DPP10: variants seen among roughly 807,000 people sequenced by gnomAD.
DPP10 encodes the protein dipeptidyl peptidase like 10.
In DPP10, 33 loss-of-function variants were observed where a neutral mutation model predicts 120.9. The observed-to-expected ratio is 0.27, with a 90% confidence interval of 0.21 to 0.37. The LOEUF (loss-of-function observed/expected upper bound fraction) is 0.37. Among genes scored for constraint, DPP10 ranks in the 10% least tolerant of loss-of-function variants. DPP10 has a pLI of 1.00. For missense variants in DPP10, 816 were observed against 942.8 expected (o/e 0.87, Z 1.76); for synonymous variants, 337 against 326.1 (o/e 1.03, Z -0.36).
At chr2:115,076,318 T>C (rs754362467) in intron 1 of DPP10, among the ~76,000 whole-genome samples, 9 of 150,008 alleles carry the variant, frequency 6.0e-5, no homozygotes, top group Non-Finnish European at 1.0e-4. Context: ...TTCTCCCATA[T>C]CATTTCCTTC....
chr2:115,213,349 T>A lies in DPP10; in HGVS notation c.61-95890T>A, dbSNP rs532675307. On this transcript the variant is annotated intron_variant, in intron 1 of 25. Coordinates refer to ENST00000410059, the MANE Select transcript of DPP10 (RefSeq NM_020868.6). The stretch of plus-strand genomic sequence containing the variant: ...ATGTATTAGAGAACCATTTTGCAAA[T>A]CTCTTGCTTGTAAGAAATTCCCCAT... Among the ~76,000 whole-genome samples, 29 of 152,274 alleles carry A rather than the reference T, an allele frequency of 1.9e-4. No individual in the cohort carries two copies. In the South Asian group the frequency reaches 6.0e-3, roughly 32 times the overall value.
At chr2:114,837,043 C>T (rs1274181949) in intron 1 of DPP10, among the ~76,000 whole-genome samples, 3 of 152,010 alleles carry the variant, frequency 2.0e-5, no homozygotes, top group Admixed American at 6.6e-5. Context: ...CACACATGCT[C>T]TAAAATTTGT....
intron 1 of DPP10, among the ~76,000 whole-genome samples, chr2:114,527,826 T>C (rs1444179466): frequency 6.6e-6 from 1 of 152,170 alleles, no homozygotes; most frequent in Non-Finnish European, 1.5e-5. Flanking sequence ...AGCATGTTAC[T>C]GTACTGAATA....
At chr2:114,895,948 A>G (rs1692927264) in intron 1 of DPP10, among the ~76,000 whole-genome samples, 1 of 152,224 alleles carries the variant, frequency 6.6e-6, no homozygotes, top group African/African-American at 2.4e-5. Context: ...AGCTTTCTAC[A>G]TATGGCTAGT....
chr2:114,706,121 C>A (rs1244001743), intron 1 of DPP10, among the ~76,000 whole-genome samples: 6 of 152,172 alleles, frequency 3.9e-5, no homozygotes, highest in African/African-American at 1.2e-4. Context: ...AATTACAGTG[C>A]AAGTTCTAAG....
chr2:114,914,514 A>G (rs1230839835), intron 1 of DPP10, among the ~76,000 whole-genome samples: 2 of 152,354 alleles, frequency 1.3e-5, no homozygotes, highest in East Asian at 3.9e-4. Context: ...ATGCTTACGG[A>G]ATTTATTACC....
chr2:114,794,655 A>G (rs998595064), intron 1 of DPP10, among the ~76,000 whole-genome samples: 1 of 152,172 alleles, frequency 6.6e-6, no homozygotes, highest in African/African-American at 2.4e-5. Flanking sequence ...ACTAATCAAT[A>G]CTTGAGCAAA....
At position 114,644,004 on chromosome 2, in the gene DPP10, G is replaced by A. The variant is rs1436555508; in HGVS notation, c.60+201166G>A. Among the ~76,000 whole-genome samples the A allele has an allele frequency of 8.9e-5, 13 of 145,696 alleles. No individual in the cohort carries two copies. The South Asian group carries it at 2.4e-3, about 27-fold the overall frequency. ...GGCTGGAGTGCAGTGGCATGATCTCGGCTCACTGCAACCTCCACCTCCCAG... is the reference window on the plus strand; with the variant it reads ...GGCTGGAGTGCAGTGGCATGATCTCAGCTCACTGCAACCTCCACCTCCCAG... On this transcript the variant is annotated intron_variant, in intron 1 of 25. Coordinates refer to ENST00000410059, the MANE Select transcript of DPP10 (RefSeq NM_020868.6).
At chr2:114,804,406 C>G (rs1574229436) in intron 1 of DPP10, among the ~76,000 whole-genome samples, 1 of 152,156 alleles carries the variant, frequency 6.6e-6, no homozygotes, top group Non-Finnish European at 1.5e-5. Flanking sequence ...CCACCATCCT[C>G]CCAGAATGGT....
chr2:115,785,346 T>C (rs891452615), intron 17 of DPP10, among the ~76,000 whole-genome samples: 2 of 152,212 alleles, frequency 1.3e-5, no homozygotes, highest in Non-Finnish European at 2.9e-5. Flanking sequence ...CATGCTGACC[T>C]CATAGAATGA....
rs138651711 is a variant in DPP10 at position 114,528,984 on chromosome 2, C to T, written c.60+86146C>T. On this transcript the variant is annotated intron_variant, in intron 1 of 25. Coordinates refer to ENST00000410059, the MANE Select transcript of DPP10 (RefSeq NM_020868.6). ...ATTCTTTGTCCTCTGCCCTATTCTG[C>T]CTTGACCTTGACTTATGCCCTCCAA... Among the ~76,000 whole-genome samples the T allele has an allele frequency of 4.3e-3, 651 of 152,168 alleles. 4 individuals carry two copies. Among genetic ancestry groups the T allele is most frequent in the African/African-American group, 6.8e-3 (282 of 41,544 alleles).
At chr2:114,516,002 A>G (rs754314076) in intron 1 of DPP10, among the ~76,000 whole-genome samples, 46 of 152,208 alleles carry the variant, frequency 3.0e-4, no homozygotes, top group Non-Finnish European at 5.6e-4. Context: ...GTGATTCTAC[A>G]GCATGCATTA....
chr2:115,777,114 A>G (rs1682194064), intron 13 of DPP10, 94 bp from the exon 14 acceptor site: 2 of 1,049,038 alleles, frequency 1.9e-6, no homozygotes, highest in East Asian at 2.5e-5. Context: ...AGAATTAGAG[A>G]ATTCGAAGTG....
chr2:114,577,524 G>A (rs527950522), intron 1 of DPP10, among the ~76,000 whole-genome samples: 1 of 152,112 alleles, frequency 6.6e-6, no homozygotes, highest in Non-Finnish European at 1.5e-5. Flanking sequence ...GAGGCCGGAG[G>A]GGCTCTTTTT....
intron 1 of DPP10, among the ~76,000 whole-genome samples, chr2:115,117,943 A>C (rs1026456057): frequency 3.3e-5 from 5 of 152,194 alleles, no homozygotes; most frequent in African/African-American, 1.2e-4. Context: ...AGAAAATATC[A>C]GGATATTAAG....
At chr2:115,760,725 G>C (rs779029776) in intron 11 of DPP10, among the ~76,000 whole-genome samples, 1 of 152,130 alleles carries the variant, frequency 6.6e-6, no homozygotes. Flanking sequence ...CTAGATTATA[G>C]ATTGACTAGA....
chr2:115,673,229 A>G (rs540682952), intron 5 of DPP10, among the ~76,000 whole-genome samples: 4 of 152,286 alleles, frequency 2.6e-5, no homozygotes, highest in South Asian at 2.1e-4. Context: ...TGTATTTCCA[A>G]TGCAGCCAAA....
chr2:114,865,628 A>G (rs932920589), intron 1 of DPP10, among the ~76,000 whole-genome samples: 1 of 152,188 alleles, frequency 6.6e-6, no homozygotes, highest in Non-Finnish European at 1.5e-5. Flanking sequence ...TATTCCAAAT[A>G]GCGATTCTAT....
At chr2:115,459,262 T>A (rs915284569) in intron 3 of DPP10, among the ~76,000 whole-genome samples, 17 of 152,118 alleles carry the variant, frequency 1.1e-4, no homozygotes, top group African/African-American at 3.9e-4. Flanking sequence ...GTTCAAGTGA[T>A]TCGTCTGCCT....
Sources: gnomAD v4.1 joint callset for allele counts (sites outside exome capture counted in the v4.1 genomes callset) on GRCh38, gnomAD v4.1.1 for gene constraint, MANE v1.5 for transcripts, NCBI Gene and HGNC (gene_info 2026-07-23, HGNC 2026-07-21) for gene names.